KPNA1: variants seen among roughly 807,000 people sequenced by gnomAD.
The protein encoded by KPNA1 is importin subunit alpha-5.
KPNA1 carries 10 observed loss-of-function variants against 70.5 expected under a neutral mutation model. The observed-to-expected ratio is 0.14, with a 90% confidence interval of 0.09 to 0.24. The LOEUF (loss-of-function observed/expected upper bound fraction) is 0.24. Among genes scored for constraint, KPNA1 ranks in the 10% least tolerant of loss-of-function variants. The pLI is 1.00. For synonymous variants in KPNA1, 192 were observed against 221.9 expected (o/e 0.87, Z 1.20); for missense variants, 397 against 637.9 (o/e 0.62, Z 4.07).
At chr3:122,493,066 C>A (rs1181842680) in intron 2 of KPNA1, among the ~76,000 whole-genome samples, 1 of 152,136 alleles carries the variant, frequency 6.6e-6, no homozygotes, top group African/African-American at 2.4e-5. Flanking sequence ...TCATTAAGTG[C>A]TTAAAATAGT....
intron 2 of KPNA1, among the ~76,000 whole-genome samples, chr3:122,495,033 C>T (rs757017168): frequency 1.1e-4 from 16 of 151,928 alleles, no homozygotes; most frequent in South Asian, 2.1e-4. Flanking sequence ...AGGCAGATCA[C>T]GAGGACAAGA....
At chr3:122,493,442 A>G (rs1265797297) in intron 2 of KPNA1, among the ~76,000 whole-genome samples, 2 of 152,064 alleles carry the variant, frequency 1.3e-5, no homozygotes, top group Non-Finnish European at 2.9e-5. Flanking sequence ...GTTAGAGTGG[A>G]GGAAGATCAA....
Position 122,449,675 on chromosome 3 carries a change from A to G in KPNA1, c.816T>C (p.Ala272=), listed in dbSNP as rs763819936. The G allele has an allele frequency of 6.2e-7, 1 of 1,613,982 alleles. No homozygotes were observed. The highest frequency in any genetic ancestry group is 8.5e-7 in the Non-Finnish European group (1 of 1,179,918). ...GATATGAGAGGGCCCAGCAGGCATC[A>G]GCCAGTACATCAGTGTCACTGACAA... ...LLFVSDTDVL[A]DACWALSYLS... Residue 272 remains alanine (A), a synonymous_variant, in exon 9 of 14, where the codon GCT becomes GCC. Coordinates refer to ENST00000344337, the MANE Select transcript of KPNA1 (RefSeq NM_002264.4).
chr3:122,502,434 G>C (rs1007837070), intron 1 of KPNA1, among the ~76,000 whole-genome samples: 1 of 152,216 alleles, frequency 6.6e-6, no homozygotes, highest in Non-Finnish European at 1.5e-5. Flanking sequence ...GAGAGATACA[G>C]AGAAAGGCTA....
intron 9 of KPNA1, among the ~76,000 whole-genome samples, chr3:122,448,005 G>A: frequency 6.6e-6 from 1 of 152,056 alleles, no homozygotes. Context: ...ACAGACACAT[G>A]AAAAAATGCT....
At chr3:122,464,158 AT>A (rs2107747416) in intron 3 of KPNA1, 117 bp from the exon 4 acceptor site, 1 of 484,906 alleles carries the variant, frequency 2.1e-6, no homozygotes, top group East Asian at 3.1e-5. Context: ...CAGAAGTTAC[AT>A]AAAGGTAGGA....
Position 122,437,346 on chromosome 3 carries a change from A to G in KPNA1, c.997-51T>C, listed in dbSNP as rs377576939. On this transcript the variant is annotated intron_variant, in intron 10 of 13. Transcript: ENST00000344337. Reference sequence around the variant, plus strand: ...ACTTATTGTATTGTTCTAAATATCAATGTTTAACTTAAGGAACACATTTTA... The same window carrying G: ...ACTTATTGTATTGTTCTAAATATCAGTGTTTAACTTAAGGAACACATTTTA... 40 of 1,353,864 alleles carry G rather than the reference A, an allele frequency of 3.0e-5. No individual in the cohort carries two copies. The African/African-American group carries it at 4.9e-4, about 16-fold the overall frequency. 83.9% of individuals were successfully genotyped at this position (1,353,864 alleles called of 1,614,324 possible). A position where few individuals can be genotyped will look rare whatever the true frequency, so the allele number is the denominator to read the frequency against.
chr3:122,442,503 C>T (rs964269387), intron 9 of KPNA1, among the ~76,000 whole-genome samples: 10 of 152,068 alleles, frequency 6.6e-5, no homozygotes, highest in Non-Finnish European at 1.5e-4. Context: ...TATAAATTGT[C>T]TTAATTTTCA....
intron 5 of KPNA1, among the ~76,000 whole-genome samples, chr3:122,454,498 C>A (rs919029343): frequency 2.6e-5 from 4 of 152,164 alleles, no homozygotes. Flanking sequence ...CACTGGAAAG[C>A]TTTATGTGCC....
chr3:122,511,646 G>T (rs553933690), intron 1 of KPNA1, among the ~76,000 whole-genome samples: 1 of 152,348 alleles, frequency 6.6e-6, no homozygotes, highest in East Asian at 1.9e-4. Context: ...GCAAAAGACA[G>T]AAATCAGCCC....
chr3:122,429,446 CAAAAAAAAAAA>C (rs57991855), intron 12 of KPNA1, among the ~76,000 whole-genome samples: 1 of 58,782 alleles, frequency 1.7e-5, no homozygotes, highest in Admixed American at 2.4e-4. Context: ...AACTCTGTCT[CAAAAAAAAAAA>C]AAAAAAAAAA....
At chr3:122,438,010 A>G (rs1560019407) in intron 10 of KPNA1, among the ~76,000 whole-genome samples, 1 of 152,160 alleles carries the variant, frequency 6.6e-6, no homozygotes. Context: ...ATTAAAGACA[A>G]TTTTTTCAAT....
intron 2 of KPNA1, among the ~76,000 whole-genome samples, chr3:122,491,509 A>C (rs1322231139): frequency 6.6e-6 from 1 of 152,260 alleles, no homozygotes; most frequent in Admixed American, 6.5e-5. Context: ...GCAAACTGAC[A>C]AACATGCAAC....
chr3:122,496,606 C>T (rs1559755143), intron 1 of KPNA1, 36 bp from the exon 2 acceptor site: 1 of 1,592,278 alleles, frequency 6.3e-7, no homozygotes, highest in Admixed American at 1.7e-5. Flanking sequence ...AATGAGTTTA[C>T]TGTGAAGAGC....
intron 2 of KPNA1, among the ~76,000 whole-genome samples, chr3:122,476,812 G>A (rs539529980): frequency 2.2e-5 from 3 of 135,828 alleles, no homozygotes; most frequent in African/African-American, 8.2e-5. Context: ...CATCGCTGGT[G>A]GGAATGTAAT....
At chr3:122,487,355 T>C (rs1250517838) in intron 2 of KPNA1, among the ~76,000 whole-genome samples, 1 of 152,212 alleles carries the variant, frequency 6.6e-6, no homozygotes, top group Non-Finnish European at 1.5e-5. Flanking sequence ...GTAGGGAGGC[T>C]CTTGAAATAT....
intron 1 of KPNA1, among the ~76,000 whole-genome samples, chr3:122,514,197 G>A (rs1034121418): frequency 1.3e-5 from 2 of 151,956 alleles, no homozygotes; most frequent in African/African-American, 4.8e-5. Flanking sequence ...TCGGTAAACT[G>A]CAGCCGGCCG....
At chr3:122,503,855 A>C (rs894957452) in intron 1 of KPNA1, among the ~76,000 whole-genome samples, 1 of 152,198 alleles carries the variant, frequency 6.6e-6, no homozygotes, top group African/African-American at 2.4e-5. Flanking sequence ...TTTGAAAAAA[A>C]ACACGGGTAT....
Position 122,427,653 on chromosome 3 carries a change from C to T in KPNA1, c.1314G>A (p.Lys438=). The T allele has an allele frequency of 6.2e-7, 1 of 1,614,138 alleles. No individual in the cohort carries two copies. The highest frequency in any genetic ancestry group is 8.5e-7 in the Non-Finnish European group (1 of 1,180,004). The part of the protein sequence containing the change: ...LCDLLTVMDS[K]IVQVALNGLE... ...AGCCATTTAGGGCAACCTGTACAAT[C>T]TTAGAGTCCATGACCGTGAGGAGAT... The change falls in exon 13 of 14, where the codon AAG becomes AAA. Residue 438 remains lysine, a synonymous_variant. Transcript: ENST00000344337.
Sources: gnomAD v4.1 joint callset for allele counts (sites outside exome capture counted in the v4.1 genomes callset) on GRCh38, gnomAD v4.1.1 for gene constraint, MANE v1.5 for transcripts, NCBI Gene and HGNC (gene_info 2026-07-23, HGNC 2026-07-21) for gene names.